The following WWC2 variants were observed in gnomAD, a reference collection of about 807,000 sequenced individuals.
The protein encoded by WWC2 is WW and C2 domain containing 2.
Under a neutral mutation model 138.5 loss-of-function variants are expected in WWC2, and 101 were observed. The ratio of observed to expected loss-of-function variants is 0.73; its 90% CI spans 0.62 to 0.86. The LOEUF is 0.86. Ranked by LOEUF, WWC2 falls within the 40% of genes least tolerant of loss-of-function variation. The pLI, the probability that WWC2 is intolerant of heterozygous loss-of-function variation, is 0.00. For synonymous variants in WWC2, 558 were observed against 538.4 expected (o/e 1.04, Z -0.50); for missense variants, 1,420 against 1,419.4 (o/e 1.00, Z -0.01).
intron 2 of WWC2, among the ~76,000 whole-genome samples, chr4:183,199,812 G>A (rs1438499788): frequency 1.3e-5 from 2 of 152,078 alleles, no homozygotes; most frequent in African/African-American, 4.8e-5. Flanking sequence ...TTCCCTTGAG[G>A]TACAGGGCAT....
intron 4 of WWC2, among the ~76,000 whole-genome samples, chr4:183,233,316 C>T (rs536589645): frequency 5.3e-5 from 8 of 151,606 alleles, no homozygotes; most frequent in East Asian, 3.9e-4. Flanking sequence ...CCACCACACC[C>T]GGCTAATTTT....
intron 4 of WWC2, among the ~76,000 whole-genome samples, chr4:183,213,611 G>A (rs1735669987): frequency 6.6e-6 from 1 of 152,142 alleles, no homozygotes; most frequent in Non-Finnish European, 1.5e-5. Flanking sequence ...GTTATGTTAT[G>A]GACATAGGTA....
chr4:183,099,622 G>T lies in WWC2; in HGVS notation c.131G>T (p.Arg44Met). ...RRTSWIDPRDRLTKPLSFADC... is the reference protein window; with the variant it reads ...RRTSWIDPRDMLTKPLSFADC... ...ACCAGCTGGATCGACCCCCGGGACA[G>T]GTGGGCGCCGGCCGCGGGGGCGCGG... The change falls in exon 1 of 23, where the codon AGG becomes ATG. Residue 44 changes from arginine to methionine, a missense_variant and splice_region_variant. Coordinates refer to ENST00000403733, the MANE Select transcript of WWC2 (RefSeq NM_024949.6). 7.5e-7 allele frequency: 1 copy of T among 1,338,328 alleles called. No homozygotes were observed. The highest frequency in any genetic ancestry group is 9.7e-7 in the Non-Finnish European group (1 of 1,027,980). The allele number at this position is 1,338,328 out of a possible 1,614,324, so 82.9% of individuals were successfully genotyped here. A position where few individuals can be genotyped will look rare whatever the true frequency, so the allele number is the denominator to read the frequency against.
chr4:183,276,253 T>A lies in WWC2; in HGVS notation c.2563-4523T>A, dbSNP rs367892811. On this transcript the variant is annotated intron_variant, in intron 16 of 22. Coordinates refer to ENST00000403733, the MANE Select transcript of WWC2 (RefSeq NM_024949.6). ...TATAAGCAGTATGTAGTTGGTTTTG[T>A]TTCATTATCCAGTCTTAAAATCTTC... Among the ~76,000 whole-genome samples, 683 of 152,244 alleles carry A rather than the reference T, an allele frequency of 4.5e-3. 4 individuals are homozygous for A. Among genetic ancestry groups the A allele is most frequent in the African/African-American group, 0.016 (654 of 41,576 alleles).
chr4:183,174,271 A>C (rs1366079680), intron 1 of WWC2, among the ~76,000 whole-genome samples: 1 of 152,224 alleles, frequency 6.6e-6, no homozygotes, highest in African/African-American at 2.4e-5. Flanking sequence ...AAAGGCAGGC[A>C]GGGGGTCTGA....
chr4:183,308,085 A>G (rs1200635569), intron 21 of WWC2, among the ~76,000 whole-genome samples: 2 of 152,210 alleles, frequency 1.3e-5, no homozygotes, highest in Non-Finnish European at 1.5e-5. Flanking sequence ...TATACCAGCA[A>G]TGCACTAGTG....
At chr4:183,255,877 C>CTTTTTTTTTTTT (rs551883972) in intron 9 of WWC2, among the ~76,000 whole-genome samples, 5 of 140,752 alleles carry the variant, frequency 3.6e-5, no homozygotes, top group African/African-American at 1.1e-4. Context: ...GCTTTTTTTC[C>CTTTTTTTTTTTT]TTTTTTTTTT....
At chr4:183,134,822 A>C in intron 1 of WWC2, among the ~76,000 whole-genome samples, 1 of 152,090 alleles carries the variant, frequency 6.6e-6, no homozygotes, top group East Asian at 1.9e-4. Flanking sequence ...TTCTATTATT[A>C]ATATAACTAC....
intron 1 of WWC2, among the ~76,000 whole-genome samples, chr4:183,136,750 C>T (rs1413444812): frequency 6.6e-6 from 1 of 152,154 alleles, no homozygotes; most frequent in Admixed American, 6.5e-5. Flanking sequence ...TTTTAAAGCT[C>T]ATCAGCTATT....
intron 1 of WWC2, among the ~76,000 whole-genome samples, chr4:183,140,789 T>G (rs1324565829): frequency 2.0e-5 from 3 of 152,206 alleles, no homozygotes; most frequent in Non-Finnish European, 4.4e-5. Flanking sequence ...TTATAGTTTT[T>G]ATAATAAAAG....
At chr4:183,122,484 A>G (rs1732632882) in intron 1 of WWC2, among the ~76,000 whole-genome samples, 1 of 152,240 alleles carries the variant, frequency 6.6e-6, no homozygotes, top group African/African-American at 2.4e-5. Flanking sequence ...GCATATAATC[A>G]GTAAAAAATT....
chr4:183,136,653 C>T (rs943391659), intron 1 of WWC2, among the ~76,000 whole-genome samples: 2 of 152,140 alleles, frequency 1.3e-5, no homozygotes, highest in African/African-American at 4.8e-5. Flanking sequence ...GCCTGCGAAC[C>T]GCATGTTGCC....
chr4:183,179,377 C>T (rs941324120), intron 1 of WWC2, among the ~76,000 whole-genome samples: 18 of 152,230 alleles, frequency 1.2e-4, no homozygotes, highest in African/African-American at 4.1e-4. Context: ...ATTTTAATAA[C>T]TATTTTCAAA....
intron 16 of WWC2, 133 bp downstream of exon 16, chr4:183,271,374 T>G (rs950401827): frequency 4.3e-6 from 3 of 690,456 alleles, no homozygotes; most frequent in East Asian, 3.5e-5. Flanking sequence ...CTTCCTTTTC[T>G]CCTTTCACAA....
Position 183,223,738 on chromosome 4 carries a change from C to T in WWC2, c.522+14713C>T, listed in dbSNP as rs145443685. Among the ~76,000 whole-genome samples, 1,283 of 151,886 alleles carry T rather than the reference C, an allele frequency of 8.4e-3. 31 individuals carry two copies. The highest frequency in any genetic ancestry group is 0.029 in the African/African-American group (1,206 of 41,414). On this transcript the variant is annotated intron_variant, in intron 4 of 22. Coordinates refer to ENST00000403733, the MANE Select transcript of WWC2 (RefSeq NM_024949.6). The stretch of plus-strand genomic sequence containing the variant: ...TTTTATTTATTGTCTTTTTTTGAGA[C>T]GGAGTCTCACCTTGTCTTACCCAGA...
chr4:183,117,990 G>C (rs894611427), intron 1 of WWC2, among the ~76,000 whole-genome samples: 1 of 151,218 alleles, frequency 6.6e-6, no homozygotes, highest in East Asian at 2.0e-4. Context: ...AGTAGAGACG[G>C]GGTTTCGCCA....
intron 1 of WWC2, among the ~76,000 whole-genome samples, chr4:183,110,081 A>G (rs1031887464): frequency 6.6e-6 from 1 of 152,210 alleles, no homozygotes; most frequent in African/African-American, 2.4e-5. Flanking sequence ...TTGCCATGGC[A>G]GGGCCTAAAG....
intron 4 of WWC2, among the ~76,000 whole-genome samples, chr4:183,235,986 C>T (rs1736412165): frequency 6.6e-6 from 1 of 152,248 alleles, no homozygotes; most frequent in East Asian, 1.9e-4. Flanking sequence ...TAAATGGGTT[C>T]AATATCATCC....
intron 1 of WWC2, among the ~76,000 whole-genome samples, chr4:183,153,120 G>A (rs1341788386): frequency 6.6e-6 from 1 of 152,034 alleles, no homozygotes; most frequent in Non-Finnish European, 1.5e-5. Flanking sequence ...GCCTAAGCTG[G>A]TCTTGAACTC....
Sources: allele counts gnomAD v4.1 joint callset (sites outside exome capture counted in the v4.1 genomes callset), GRCh38; gene constraint gnomAD v4.1.1; transcripts MANE v1.5; gene names NCBI Gene and HGNC (gene_info 2026-07-23, HGNC 2026-07-21).